IGDCC4: variants seen among roughly 807,000 people sequenced by gnomAD.
The protein encoded by IGDCC4 is immunoglobulin superfamily DCC subclass member 4.
In IGDCC4, 72 loss-of-function variants were observed where a neutral mutation model predicts 116.6. The ratio of observed to expected loss-of-function variants is 0.62; its 90% CI spans 0.51 to 0.75. IGDCC4 has a LOEUF of 0.75. IGDCC4 is among the 30% of genes least tolerant of loss of function. The pLI is 0.00. For missense variants in IGDCC4, 1,501 were observed against 1,662.4 expected (o/e 0.90, Z 1.69); for synonymous variants, 709 against 719.9 (o/e 0.98, Z 0.24).
chr15:65,403,770 T>C (rs999754102), intron 3 of IGDCC4, among the ~76,000 whole-genome samples: 12 of 152,048 alleles, frequency 7.9e-5, no homozygotes, highest in Admixed American at 7.9e-4. Flanking sequence ...AGGGGCATGA[T>C]GGATGAGGGT....
At chr15:65,402,530 G>C in intron 3 of IGDCC4, 43 bp from the exon 4 acceptor site, 1 of 1,551,132 alleles carries the variant, frequency 6.4e-7, no homozygotes, top group Non-Finnish European at 8.7e-7. Flanking sequence ...GGGCAGGGGG[G>C]CCACAGGGAG....
intron 18 of IGDCC4, 66 bp downstream of exon 18, chr15:65,385,765 C>G: frequency 1.6e-6 from 2 of 1,282,842 alleles, no homozygotes; most frequent in Non-Finnish European, 2.3e-6. Flanking sequence ...CATAGCCACG[C>G]GTTGTGCTCT....
In IGDCC4 at chr15:65,410,294, C is replaced by T. The variant is rs142587426; in HGVS notation, c.447G>A (p.Pro149=). Residue 149 remains proline (P), a synonymous_variant, in exon 3 of 20, where the codon CCG becomes CCA. Transcript: ENST00000352385. ...LATLADFSLH[P]ESQTVEENGT... ...CGTTCTCCTCCACCGTCTGAGACTC[C>T]GGGTGCAGAGAGAAGTCTGCGAGTG... 14 of 1,613,884 alleles carry T rather than the reference C, an allele frequency of 8.7e-6. No individual in the cohort carries two copies. Among genetic ancestry groups the T allele is most frequent in the African/African-American group, 8.0e-5 (6 of 74,888 alleles).
At position 65,393,673 on chromosome 15, in the gene IGDCC4, T is replaced by C. The variant is rs989064747; in HGVS notation, c.1715-142A>G. ...GGCGTTCTCAGCACTGACCCCTCAG[T>C]GCCTGGGCAGATTCTATGGCTCCAG... On this transcript the variant is annotated intron_variant, in intron 9 of 19. Transcript: ENST00000352385. This position sits in a 1 kb window ranked among gnomAD's most constrained non-coding sequence, Gnocchi z 4.6. 1 of 786,704 alleles carries C rather than the reference T, an allele frequency of 1.3e-6. No homozygotes were observed. Among genetic ancestry groups the C allele is most frequent in the African/African-American group, 1.8e-5 (1 of 56,756 alleles). The allele number at this position is 786,704 out of a possible 1,614,324, so 48.7% of individuals were successfully genotyped here.
intron 18 of IGDCC4, chr15:65,385,485 C>CCA (rs2091446911): frequency 1.9e-6 from 1 of 528,000 alleles, no homozygotes; most frequent in Non-Finnish European, 3.4e-6. Flanking sequence ...TCCCACTTGG[C>CCA]CACAGCCAAG....
intron 13 of IGDCC4, 32 bp downstream of exon 13, chr15:65,390,123 T>G: frequency 7.3e-7 from 1 of 1,370,172 alleles, no homozygotes; most frequent in East Asian, 2.6e-5. Context: ...TCTTCCTCCC[T>G]TCTTTACATT....
At position 65,395,817 on chromosome 15, in the gene IGDCC4, G is replaced by A; in HGVS notation, c.1344C>T (p.Ala448=). 1.3e-6 allele frequency: 2 copies of A among 1,515,810 alleles called. No individual in the cohort carries two copies. Among genetic ancestry groups the A allele is most frequent in the South Asian group, 2.4e-5 (2 of 82,298 alleles). 93.9% of individuals were successfully genotyped at this position (1,515,810 alleles called of 1,614,324 possible). Residue 448 remains alanine, a synonymous_variant, in exon 7 of 20, where the codon GCC becomes GCT. Transcript: ENST00000352385. ...CGCTGTGCATCTCGGGCCGCTCCCAGGCCACCAACACAGCGGAGCTGCTCA... is the reference window on the plus strand; with the variant it reads ...CGCTGTGCATCTCGGGCCGCTCCCAAGCCACCAACACAGCGGAGCTGCTCA... ...TPLSSSAVLV[A]WERPEMHSEQ... is the part of the protein sequence containing the mutation.
At chr15:65,402,217 C>T (rs755679145) in intron 4 of IGDCC4, 134 bp downstream of exon 4, 27 of 1,068,352 alleles carry the variant, frequency 2.5e-5, no homozygotes, top group Middle Eastern at 3.2e-4. Flanking sequence ...TGGGCTTCAT[C>T]GCCTCACCAG....
intron 13 of IGDCC4, 111 bp downstream of exon 13, chr15:65,390,044 T>G: frequency 1.1e-6 from 1 of 952,030 alleles, no homozygotes; most frequent in Non-Finnish European, 1.6e-6. Context: ...AGCCATGACA[T>G]GTTCCTGAAT....
rs2062931941 is a variant in IGDCC4 at position 65,396,822 on chromosome 15, G to A, written c.997+12C>T. The A allele has an allele frequency of 1.9e-6, 3 of 1,558,078 alleles. No homozygotes were observed. The highest frequency in any genetic ancestry group is 2.6e-6 in the Non-Finnish European group (3 of 1,150,932). On this transcript the variant is annotated intron_variant, in intron 6 of 19. Coordinates refer to ENST00000352385, the MANE Select transcript of IGDCC4 (RefSeq NM_020962.3). The stretch of plus-strand genomic sequence containing the variant: ...AGCTAACCCGCTCCCTCCGCCCTTC[G>A]GCCCGCCTCACCCAGCACACGGAGC...
chr15:65,413,024 ATGTGTGTGTGTGTG>A (rs59690408), intron 1 of IGDCC4, among the ~76,000 whole-genome samples: 4 of 145,964 alleles, frequency 2.7e-5, no homozygotes, highest in African/African-American at 5.1e-5. Context: ...GTGTGAGAAA[ATGTGTGTGTGTGTG>A]TGTGTGTGTG....
chr15:65,388,626 G>A (rs750073405), intron 15 of IGDCC4, 40 bp from the exon 16 acceptor site: 1 of 1,612,748 alleles, frequency 6.2e-7, no homozygotes, highest in East Asian at 2.2e-5. Flanking sequence ...GATGGTGGAT[G>A]GGGTGGGTGG....
At chr15:65,420,862 G>A (rs1464108883) in intron 1 of IGDCC4, among the ~76,000 whole-genome samples, 2 of 151,990 alleles carry the variant, frequency 1.3e-5, no homozygotes, top group East Asian at 1.9e-4. Context: ...TCCTTCCTGC[G>A]TCTTCCCCAG....
intron 17 of IGDCC4, 22 bp from the exon 18 acceptor site, chr15:65,386,081 A>C (rs1271123766): frequency 7.0e-7 from 1 of 1,423,080 alleles, no homozygotes; most frequent in Non-Finnish European, 9.4e-7. Context: ...GACGGAAAAC[A>C]AGGCATAGCG....
intron 18 of IGDCC4, 179 bp downstream of exon 18, chr15:65,385,652 A>G (rs1284370871): frequency 1.5e-6 from 1 of 685,086 alleles, no homozygotes; most frequent in African/African-American, 1.8e-5. Context: ...CCGCCGGGAT[A>G]TGGAGGCCCA....
At chr15:65,417,807 G>T (rs1359313689) in intron 1 of IGDCC4, among the ~76,000 whole-genome samples, 1 of 152,044 alleles carries the variant, frequency 6.6e-6, no homozygotes, top group Admixed American at 6.6e-5. Context: ...TGTTGGTCAG[G>T]GTGGTCTCGA....
At chr15:65,395,300 C>G (rs2062912697) in intron 7 of IGDCC4, 42 bp from the exon 8 acceptor site, 1 of 1,580,592 alleles carries the variant, frequency 6.3e-7, no homozygotes, top group African/African-American at 1.3e-5. Context: ...AGTGCCACCC[C>G]CCCGTGCTGG....
chr15:65,414,358 C>T (rs1466982602), intron 1 of IGDCC4, among the ~76,000 whole-genome samples: 4 of 152,182 alleles, frequency 2.6e-5, no homozygotes, highest in African/African-American at 9.7e-5. Context: ...AGAAGCAGCC[C>T]CTGCCCTCAC....
chr15:65,390,451 T>A, intron 12 of IGDCC4, 113 bp from the exon 13 acceptor site: 1 of 804,360 alleles, frequency 1.2e-6, no homozygotes. Flanking sequence ...TTTGATCCTG[T>A]GAGTTGAGTG....
Sources: allele counts gnomAD v4.1 joint callset (sites outside exome capture counted in the v4.1 genomes callset), GRCh38; gene constraint gnomAD v4.1.1; non-coding constraint Gnocchi (gnomAD v3.1); transcripts MANE v1.5; gene names NCBI Gene and HGNC (gene_info 2026-07-23, HGNC 2026-07-21).